Variants in MAP3K7CL observed in about 807,000 individuals in gnomAD.
MAP3K7CL encodes MAP3K7 C-terminal-like protein.
In MAP3K7CL, 16 loss-of-function variants were observed where a neutral mutation model predicts 18.6. That is an observed-to-expected ratio of 0.86 (90% confidence interval 0.58 to 1.31). The LOEUF (loss-of-function observed/expected upper bound fraction) is 1.31, where lower values mean the gene tolerates loss of function less well. MAP3K7CL is among the 50% of genes most tolerant of loss of function. MAP3K7CL has a pLI of 0.00. For missense variants in MAP3K7CL, 163 were observed against 174.4 expected (o/e 0.93, Z 0.37); for synonymous variants, 65 against 66.8 (o/e 0.97, Z 0.13).
chr21:29,141,241 C>T (rs1237530513), intron 2 of MAP3K7CL, among the ~76,000 whole-genome samples: 1 of 152,152 alleles, frequency 6.6e-6, no homozygotes, highest in Admixed American at 6.5e-5. Flanking sequence ...CTTGGCTGGG[C>T]ACAGTGGCTC....
chr21:29,082,236 G>A (rs1453153279), upstream of MAP3K7CL, among the ~76,000 whole-genome samples: 4 of 152,150 alleles, frequency 2.6e-5, no homozygotes, highest in East Asian at 7.7e-4. Context: ...GTAAAGAAAT[G>A]GCTTAAGTTC....
intron 4 of MAP3K7CL, among the ~76,000 whole-genome samples, chr21:29,125,129 T>C (rs1272787347): frequency 6.6e-6 from 1 of 152,228 alleles, no homozygotes; most frequent in Non-Finnish European, 1.5e-5. Context: ...AAAAAATGAT[T>C]TCTATTTACA....
chr21:29,138,127 C>T (rs1053475746), intron 2 of MAP3K7CL, among the ~76,000 whole-genome samples: 4 of 152,098 alleles, frequency 2.6e-5, no homozygotes, highest in African/African-American at 9.7e-5. Context: ...GAACATGGAC[C>T]TCCAGAGGTC....
chr21:29,168,039 G>A (rs2123220749), intron 4 of MAP3K7CL, among the ~76,000 whole-genome samples: 1 of 151,946 alleles, frequency 6.6e-6, no homozygotes, highest in East Asian at 1.9e-4. Flanking sequence ...ATCCCTTCAG[G>A]GTATGACTTT....
chr21:29,133,117 G>GA (rs949537626), intron 1 of MAP3K7CL, among the ~76,000 whole-genome samples, 189 bp from the exon 2 acceptor site: 3 of 151,972 alleles, frequency 2.0e-5, no homozygotes, highest in Non-Finnish European at 4.4e-5. Flanking sequence ...CTTGAGCCAA[G>GA]AAAAAAAGAT....
chr21:29,165,128 T>C (rs949750925), intron 4 of MAP3K7CL, among the ~76,000 whole-genome samples: 26 of 152,194 alleles, frequency 1.7e-4, no homozygotes, highest in African/African-American at 5.5e-4. Flanking sequence ...AAAAGTATAT[T>C]ATTAAGCTAC....
chr21:29,154,926 T>C (rs538013159), intron 3 of MAP3K7CL, among the ~76,000 whole-genome samples: 74 of 152,354 alleles, frequency 4.9e-4, no homozygotes, highest in African/African-American at 1.6e-3. Flanking sequence ...CATTTAGGTA[T>C]GGCTTGTTCA....
chr21:29,091,832 C>A (rs541065127), intron 3 of MAP3K7CL: 1 of 680,670 alleles, frequency 1.5e-6, no homozygotes, highest in Admixed American at 2.1e-5. Context: ...TGAGTGCTTC[C>A]TATGTACCAG....
At chr21:29,134,966 G>A (rs2086852335) in intron 2 of MAP3K7CL, among the ~76,000 whole-genome samples, 2 of 151,854 alleles carry the variant, frequency 1.3e-5, no homozygotes, top group Admixed American at 6.6e-5. Context: ...CAGGAGAATG[G>A]TGTGAACCTG....
At chr21:29,120,992 G>A (rs1432326421) in intron 4 of MAP3K7CL, among the ~76,000 whole-genome samples, 5 of 143,860 alleles carry the variant, frequency 3.5e-5, no homozygotes, top group South Asian at 4.5e-4. Flanking sequence ...CTTGAGCCTC[G>A]GAGGTTGAGG....
intron 1 of MAP3K7CL, among the ~76,000 whole-genome samples, chr21:29,091,155 A>G (rs1331605316): frequency 1.3e-5 from 2 of 152,182 alleles, no homozygotes; most frequent in Admixed American, 6.5e-5. Context: ...TGGACAACAC[A>G]TCTATATACA....
chr21:29,140,548 A>G (rs2086983358), intron 2 of MAP3K7CL, among the ~76,000 whole-genome samples: 1 of 152,200 alleles, frequency 6.6e-6, no homozygotes, highest in Non-Finnish European at 1.5e-5. Context: ...CCCGGTCCTC[A>G]GGACTGTTAC....
chr21:29,141,873 A>G (rs1204204793), intron 2 of MAP3K7CL, among the ~76,000 whole-genome samples: 1 of 152,192 alleles, frequency 6.6e-6, no homozygotes, highest in Non-Finnish European at 1.5e-5. Flanking sequence ...TACTCTAACA[A>G]GGACTTGGGT....
chr21:29,162,602 G>A (rs2087577894), intron 4 of MAP3K7CL, among the ~76,000 whole-genome samples: 1 of 151,168 alleles, frequency 6.6e-6, no homozygotes. Flanking sequence ...AGAATCGCTT[G>A]AACCCAGGAG....
intron 4 of MAP3K7CL, among the ~76,000 whole-genome samples, chr21:29,124,353 C>CAAA (rs59499297): frequency 7.0e-4 from 55 of 78,550 alleles, no homozygotes; most frequent in East Asian, 1.5e-3. Context: ...GACTCCGTCT[C>CAAA]AAAAAAAAAA....
At chr21:29,125,426 A>T (rs777209199) in intron 4 of MAP3K7CL, among the ~76,000 whole-genome samples, 6 of 152,142 alleles carry the variant, frequency 3.9e-5, no homozygotes, top group Admixed American at 6.6e-5. Flanking sequence ...AGTGGTTCTA[A>T]CCCCTGTCAT....
intron 4 of MAP3K7CL, chr21:29,122,242 G>C (rs1021222789): frequency 1.3e-5 from 2 of 152,292 alleles, no homozygotes; most frequent in Admixed American, 1.3e-4. Flanking sequence ...CAGGATGAGT[G>C]CTTCTGGGTG....
chr21:29,130,726 G>C lies in MAP3K7CL; in HGVS notation c.-237G>C. ...CGGAAGGGAAGGGAAGGGAGGTCCC[G>C]TGGGACGCTGGGGTCTGGGGCAGAG... On this transcript the variant is annotated 5_prime_UTR_variant, in exon 1 of 5. Transcript: ENST00000399928. The C allele has an allele frequency of 2.0e-6, 2 of 985,570 alleles. No individual in the cohort carries two copies. The highest frequency in any genetic ancestry group is 2.4e-6 in the Non-Finnish European group (2 of 830,032). 61.1% of individuals were successfully genotyped at this position (985,570 alleles called of 1,614,324 possible).
intron 4 of MAP3K7CL, among the ~76,000 whole-genome samples, chr21:29,111,116 C>T (rs1200888366): frequency 1.3e-5 from 2 of 151,950 alleles, no homozygotes; most frequent in Admixed American, 6.6e-5. Flanking sequence ...CTTAGCCAGG[C>T]GTGGTGGTGA....
Sources: gnomAD v4.1 joint callset for allele counts (sites outside exome capture counted in the v4.1 genomes callset) on GRCh38, gnomAD v4.1.1 for gene constraint, MANE v1.5 for transcripts, NCBI Gene and HGNC (gene_info 2026-07-23, HGNC 2026-07-21) for gene names.